CUL4B: variants seen among roughly 807,000 people sequenced by gnomAD.
CUL4B encodes the protein cullin-4B.
CUL4B carries 1 observed loss-of-function variant against 69.2 expected under a neutral mutation model. The ratio of observed to expected loss-of-function variants is 0.01; its 90% CI spans 0.01 to 0.07. CUL4B has a LOEUF of 0.07. Ranked by LOEUF, CUL4B falls within the 10% of genes least tolerant of loss-of-function variation. The pLI is 1.00. For missense variants in CUL4B, 328 were observed against 638.8 expected, an observed-to-expected ratio of 0.51 and a Z score of 5.24; for synonymous variants, 237 against 223.2, an observed-to-expected ratio of 1.06 and a Z score of -0.55.
At chrX:120,533,970 G>A (rs1323834870) in intron 17 of CUL4B, among the ~76,000 whole-genome samples, 2 of 110,836 alleles carry the variant, frequency 1.8e-5, no homozygotes, top group Admixed American at 1.9e-4. Flanking sequence ...GGAGGCAGAG[G>A]CAGGAGAATT....
intron 11 of CUL4B, among the ~76,000 whole-genome samples, 160 bp from the exon 12 acceptor site, chrX:120,539,532 T>G (rs1249214616): frequency 8.9e-6 from 1 of 112,072 alleles, no homozygotes. Flanking sequence ...ATCAACTGAC[T>G]TGTTCAGTGC....
chrX:120,547,629 C>G (rs181713837), intron 2 of CUL4B, among the ~76,000 whole-genome samples: 15 of 111,742 alleles, frequency 1.3e-4, no homozygotes, highest in Middle Eastern at 4.6e-3. Flanking sequence ...CAGGCTAGAA[C>G]AGCCTAGGCA....
chrX:120,532,369 A>T, intron 18 of CUL4B, 53 bp downstream of exon 18: 1 of 953,119 alleles, frequency 1.0e-6, no homozygotes. Flanking sequence ...TATTTTGATT[A>T]TTAACATGTA....
rs147503620 is a variant in CUL4B, at chrX:120,557,770, C to T, written c.672+154G>A. ...TGTACCCATGGTTTATGTGAGAATA[C>T]GTGGTCTAATTATAGAGTTCATCAA... On this transcript the variant is annotated intron_variant, in intron 2 of 19. Transcript: ENST00000371322. 801 of 417,686 alleles carry T rather than the reference C, an allele frequency of 1.9e-3. 3 individuals carry two copies. The highest frequency in any genetic ancestry group is 0.017 in the African/African-American group (662 of 39,960). 34.4% of individuals were successfully genotyped at this position (417,686 alleles called of 1,213,427 possible).
intron 2 of CUL4B, among the ~76,000 whole-genome samples, chrX:120,549,426 C>A (rs1569393638): frequency 9.0e-6 from 1 of 111,555 alleles, no homozygotes; most frequent in Non-Finnish European, 1.9e-5. Context: ...GTGGTGTGCA[C>A]CAGCTACTCG....
chrX:120,574,222 T>C (rs1318346737), intron 2 of CUL4B, among the ~76,000 whole-genome samples: 6 of 107,140 alleles, frequency 5.6e-5, no homozygotes, highest in Non-Finnish European at 1.2e-4. Flanking sequence ...TAACAATATT[T>C]TTTTTTTGAG....
chrX:120,567,972 G>A (rs1188513914), downstream of CUL4B, among the ~76,000 whole-genome samples: 1 of 111,748 alleles, frequency 8.9e-6, no homozygotes, highest in Admixed American at 9.5e-5. Context: ...TTTGAATGGG[G>A]CTGATAAGCA....
intron 12 of CUL4B, 35 bp downstream of exon 12, chrX:120,539,233 A>T: frequency 1.2e-6 from 1 of 850,689 alleles, no homozygotes; most frequent in Non-Finnish European, 1.7e-6. Context: ...GTGCTATTTT[A>T]AAAGAAAAAT....
intron 16 of CUL4B, among the ~76,000 whole-genome samples, 175 bp from the exon 17 acceptor site, chrX:120,534,761 C>T (rs1331502944): frequency 4.5e-5 from 5 of 111,229 alleles, no homozygotes; most frequent in Non-Finnish European, 9.4e-5. Context: ...TTAGGTGTGA[C>T]CCTACCTAAA....
At chrX:120,561,547 G>T (rs989997197), upstream of CUL4B, 4 of 257,088 alleles carry the variant, frequency 1.6e-5, no homozygotes, top group African/African-American at 1.3e-4. Flanking sequence ...GCTTTCTGAA[G>T]GCGAGGGGGT....
At chrX:120,548,008 C>T (rs1168153668) in intron 2 of CUL4B, among the ~76,000 whole-genome samples, 1 of 110,563 alleles carries the variant, frequency 9.0e-6, no homozygotes, top group African/African-American at 3.3e-5. Context: ...TAACTTAACA[C>T]TTAATAAACT....
At chrX:120,570,525 T>C (rs1222143394), downstream of CUL4B, among the ~76,000 whole-genome samples, 4 of 112,127 alleles carry the variant, frequency 3.6e-5, no homozygotes, top group African/African-American at 1.3e-4. Context: ...ACTAGTTCCT[T>C]AACAGAAAAA....
At position 120,541,560 on chromosome X, in the gene CUL4B, A is replaced by G. The variant is rs757448605; in HGVS notation, c.1443+42T>C. On this transcript the variant is annotated intron_variant, in intron 10 of 19. Coordinates refer to ENST00000371322, the MANE Select transcript of CUL4B (RefSeq NM_001079872.2). ...GCCAATATGCACTCTTGATGTGTAG[A>G]TAAGCCATAAGAGAGAAAAATCACA... is the stretch of plus-strand genomic sequence containing the variant. 1.6e-5 allele frequency: 14 copies of G among 881,582 alleles called. No homozygotes were observed. In the East Asian group the frequency reaches 4.0e-4, roughly 25 times the overall value. 72.7% of individuals were successfully genotyped at this position (881,582 alleles called of 1,213,427 possible).
chrX:120,556,911 A>G (rs868699297), intron 2 of CUL4B, among the ~76,000 whole-genome samples: 1 of 69,970 alleles, frequency 1.4e-5, no homozygotes, highest in African/African-American at 6.8e-5. Context: ...AAGTATATAT[A>G]TATTTTTTTT....
At chrX:120,563,347 C>T (rs948974193), upstream of CUL4B, among the ~76,000 whole-genome samples, 1 of 112,006 alleles carries the variant, frequency 8.9e-6, no homozygotes, top group Non-Finnish European at 1.9e-5. Flanking sequence ...GATTCTTGTG[C>T]GTCAGCCTTC....
intron 2 of CUL4B, among the ~76,000 whole-genome samples, chrX:120,572,485 AAAAAG>A (rs1291132393): frequency 1.6e-4 from 16 of 102,653 alleles, no homozygotes; most frequent in African/African-American, 3.9e-4. Context: ...AAAAAAAAAG[AAAAAG>A]AAAAGAAATG....
intron 2 of CUL4B, among the ~76,000 whole-genome samples, chrX:120,549,473 G>T (rs1041088243): frequency 1.8e-5 from 2 of 111,700 alleles, no homozygotes; most frequent in Non-Finnish European, 3.8e-5. Flanking sequence ...AACCCGGGCG[G>T]TGGAGGTTGC....
rs1307307574 is a variant in CUL4B, at chrX:120,544,345, G to A, written c.1083+136C>T. 6.7e-5 allele frequency: 55 copies of A among 819,079 alleles called. No individual in the cohort carries two copies. The South Asian group carries it at 1.0e-3, about 15-fold the overall frequency. The allele number at this position is 819,079 out of a possible 1,213,427, so 67.5% of individuals were successfully genotyped here. ...TTTGTAGTTGAGAAGCATGATGATT[G>A]GGTTTTTATGCTCATATATGAGATG... On this transcript the variant is annotated intron_variant, in intron 6 of 19. Transcript: ENST00000371322.
At position 120,524,926 on chromosome X, in the gene CUL4B, G is replaced by A. The variant is rs1167352324; in HGVS notation, c.*1835C>T. On this transcript the variant is annotated 3_prime_UTR_variant, in exon 20 of 20. Coordinates refer to ENST00000371322, the MANE Select transcript of CUL4B (RefSeq NM_001079872.2). ...CCAACTCTATCTAAAAGTTGCTTAC[G>A]AGTAACTTGAATCTTGTGTAATAGT... is the stretch of plus-strand genomic sequence containing the variant. The A allele has an allele frequency of 2.7e-5, 3 of 111,628 alleles. No homozygotes were observed. The highest frequency in any genetic ancestry group is 3.8e-5 in the Non-Finnish European group (2 of 53,050). 9.2% of individuals were successfully genotyped at this position (111,628 alleles called of 1,213,427 possible). A position where few individuals can be genotyped will look rare whatever the true frequency, so the allele number is the denominator to read the frequency against.
Sources: allele counts gnomAD v4.1 joint callset (sites outside exome capture counted in the v4.1 genomes callset), GRCh38; gene constraint gnomAD v4.1.1; transcripts MANE v1.5; gene names NCBI Gene and HGNC (gene_info 2026-07-23, HGNC 2026-07-21).